The following LIG3 variants were observed in gnomAD, a reference collection of about 807,000 sequenced individuals.
The protein encoded by LIG3 is DNA ligase 3.
In LIG3, 58 loss-of-function variants were observed where a neutral mutation model predicts 110.9. The ratio of observed to expected loss-of-function variants is 0.52; its 90% CI spans 0.42 to 0.65. The LOEUF (loss-of-function observed/expected upper bound fraction) is 0.65, where lower values mean the gene tolerates loss of function less well. Ranked by LOEUF, LIG3 falls within the 30% of genes least tolerant of loss-of-function variation. The pLI, the probability that LIG3 is intolerant of heterozygous loss-of-function variation, is 0.00. For missense variants in LIG3, 1,094 were observed against 1,273.8 expected, an observed-to-expected ratio of 0.86 and a Z score of 2.15; for synonymous variants, 422 against 472.8, an observed-to-expected ratio of 0.89 and a Z score of 1.39.
intron 10 of LIG3, 72 bp downstream of exon 10, chr17:34,996,267 G>C (rs528259172): frequency 1.3e-6 from 2 of 1,505,554 alleles, no homozygotes; most frequent in Non-Finnish European, 1.8e-6. Flanking sequence ...TGCACGCTGC[G>C]GTCTGAAAAG....
In LIG3 at chr17:35,004,478, G is replaced by A. The variant is rs151264739; in HGVS notation, c.3002G>A (p.Arg1001Gln). The A allele has an allele frequency of 1.4e-4, 231 of 1,613,912 alleles. No homozygotes were observed. The highest frequency in any genetic ancestry group is 1.8e-4 in the Non-Finnish European group (216 of 1,179,936). Residue 1001 changes from arginine (R) to glutamine (Q), a missense_variant, in exon 20 of 20, where the codon CGG becomes CAG. Coordinates refer to ENST00000378526, the MANE Select transcript of LIG3 (RefSeq NM_013975.4). ...CCAGAGTGGATTTGGGCATGTATCCGGAAACGGAGACTGGTAGCTCCCTGC... is the reference window on the plus strand; with the variant it reads ...CCAGAGTGGATTTGGGCATGTATCCAGAAACGGAGACTGGTAGCTCCCTGC... ...VSPEWIWACI[R>Q]KRRLVAPC
In LIG3 at chr17:35,001,997, A is replaced by G. The variant is rs774255062; in HGVS notation, c.2567A>G (p.Glu856Gly). The stretch of plus-strand genomic sequence containing the variant: ...TCCACTACAGGGGGTAGCAGTGAAG[A>G]GAATAAGGGTCCCTCAGGGTCTGCT... ...GSSTTGGSSE[E>G]NKGPSGSAVS... is the part of the protein sequence containing the mutation. The change falls in exon 18 of 20, where the codon GAG (glutamate) becomes GGG (glycine). Residue 856 changes from glutamate (E) to glycine (G), a missense_variant. By Grantham distance (98) the Glu-to-Gly change is moderately conservative (BLOSUM62 -2). Transcript: ENST00000378526. The G allele has an allele frequency of 4.0e-5, 64 of 1,612,882 alleles. No individual in the cohort carries two copies. Among genetic ancestry groups the G allele is most frequent in the Non-Finnish European group, 4.7e-5 (56 of 1,179,566 alleles).
intron 8 of LIG3, among the ~76,000 whole-genome samples, chr17:34,993,532 C>G (rs924537019): frequency 3.3e-5 from 5 of 152,154 alleles, no homozygotes; most frequent in South Asian, 2.1e-4. Context: ...TATAGTTTGT[C>G]ATTTAAAGAC....
chr17:35,005,187 G>A lies in LIG3; in HGVS notation c.*681G>A. ...GTTATTTGGGCCACTCCTCTGGAGG[G>A]ATAGAGGGCTCCAGGAAGATCTGCA... On this transcript the variant is annotated 3_prime_UTR_variant, in exon 20 of 20. Transcript: ENST00000378526. The A allele has an allele frequency of 2.4e-6, 1 of 415,998 alleles. No homozygotes were observed. Among genetic ancestry groups the A allele is most frequent in the Non-Finnish European group, 4.8e-6 (1 of 207,840 alleles). The allele number at this position is 415,998 out of a possible 1,614,324, so 25.8% of individuals were successfully genotyped here.
intron 9 of LIG3, among the ~76,000 whole-genome samples, chr17:34,995,006 G>T (rs2142265080): frequency 6.6e-6 from 1 of 152,262 alleles, no homozygotes; most frequent in East Asian, 1.9e-4. Flanking sequence ...TTATTCCTTA[G>T]CCCTTCTCCA....
chr17:34,988,175 A>C (rs2090678842), intron 3 of LIG3, among the ~76,000 whole-genome samples: 1 of 136,196 alleles, frequency 7.3e-6, no homozygotes, highest in Admixed American at 8.4e-5. Context: ...CCTGGGCGAC[A>C]GCGAGACTCT....
intron 11 of LIG3, chr17:34,997,512 A>G (rs919891320): frequency 3.8e-6 from 2 of 520,368 alleles, no homozygotes; most frequent in African/African-American, 3.8e-5. Context: ...AGAACTAGGA[A>G]CTACAACTAT....
At position 34,990,979 on chromosome 17, in the gene LIG3, TGTGTAC is replaced by T; in HGVS notation, c.907_912del (p.Val303_Tyr304del). The T allele has an allele frequency of 6.2e-7, 1 of 1,614,086 alleles. No homozygotes were observed. The highest frequency in any genetic ancestry group is 8.5e-7 in the Non-Finnish European group (1 of 1,179,916). On this transcript the variant is annotated inframe_deletion, in exon 5 of 20. Transcript: ENST00000378526. The stretch of plus-strand genomic sequence containing the variant: ...TGTCTCCAGATGGTTTCCACGGTGA[TGTGTAC>T]CTAACAGTGAAGCTGCTGCTGCCAG...
rs377292824 is a variant in LIG3, at chr17:34,991,126, G to T, written c.1041+12G>T. The T allele has an allele frequency of 5.0e-6, 8 of 1,613,212 alleles. No individual in the cohort carries two copies. The African/African-American group carries it at 1.1e-4, about 22-fold the overall frequency. On this transcript the variant is annotated intron_variant, in intron 5 of 19. Transcript: ENST00000378526. ...GGGACCTAGAGCAGGTCAGAGGAAC[G>T]GGAGGGAGGGTAGGCTACATTCCAG...
rs2090884497 is a variant in LIG3, at chr17:35,005,067, C to G, written c.*561C>G. On this transcript the variant is annotated 3_prime_UTR_variant, in exon 20 of 20. Coordinates refer to ENST00000378526, the MANE Select transcript of LIG3 (RefSeq NM_013975.4). ...ACAAAATGAATTTTTTTACTTTCTT[C>G]TCTGTGTTCTCCTATTACATGGTGA... 3 of 307,510 alleles carry G rather than the reference C, an allele frequency of 9.8e-6. No individual in the cohort carries two copies. The highest frequency in any genetic ancestry group is 8.3e-5 in the Admixed American group (2 of 24,100). 19.0% of individuals were successfully genotyped at this position (307,510 alleles called of 1,614,324 possible). A position where few individuals can be genotyped will look rare whatever the true frequency, so the allele number is the denominator to read the frequency against.
At position 35,004,383 on chromosome 17, in the gene LIG3, A is replaced by G. The variant is rs1186294529; in HGVS notation, c.2907A>G (p.Glu969=). Reference sequence around the variant, plus strand: ...CATTCGACGGGGACCTGGTACAGGAATTTGATATGACTTCAGCCACGCACG... The same window carrying G: ...CATTCGACGGGGACCTGGTACAGGAGTTTGATATGACTTCAGCCACGCACG... ...FVAFDGDLVQ[E]FDMTSATHVL... Residue 969 remains glutamate (E), a synonymous_variant, in exon 20 of 20, where the codon GAA becomes GAG. Coordinates refer to ENST00000378526, the MANE Select transcript of LIG3 (RefSeq NM_013975.4). 6.2e-7 allele frequency: 1 copy of G among 1,614,206 alleles called. No individual in the cohort carries two copies. The highest frequency in any genetic ancestry group is 8.5e-7 in the Non-Finnish European group (1 of 1,180,038).
intron 4 of LIG3, among the ~76,000 whole-genome samples, chr17:34,990,300 C>CA (rs1344546788): frequency 3.3e-5 from 5 of 152,204 alleles, no homozygotes; most frequent in African/African-American, 1.2e-4. Context: ...TTTATTGAGA[C>CA]AAAAAATGTG....
At chr17:35,001,532 G>T (rs928767371) in intron 17 of LIG3, 129 bp downstream of exon 17, 7 of 967,262 alleles carry the variant, frequency 7.2e-6, no homozygotes, top group African/African-American at 1.6e-5. Flanking sequence ...GAGCAAGGAG[G>T]GCAATTAGAG....
intron 1 of LIG3, chr17:34,981,061 C>T (rs902279624): frequency 3.3e-5 from 5 of 152,278 alleles, no homozygotes; most frequent in African/African-American, 1.2e-4. Flanking sequence ...GTCCCCGCCA[C>T]TCTCCGACAG....
At chr17:34,988,961 A>G (rs980967588) in intron 3 of LIG3, among the ~76,000 whole-genome samples, 2 of 151,982 alleles carry the variant, frequency 1.3e-5, no homozygotes, top group African/African-American at 4.8e-5. Flanking sequence ...CCCCTTTCTC[A>G]TGCCAGCTTT....
intron 1 of LIG3, 24 bp downstream of exon 1, chr17:34,980,646 C>T: frequency 8.3e-7 from 1 of 1,203,974 alleles, no homozygotes; most frequent in South Asian, 1.4e-5. Flanking sequence ...CGGCGCGGCA[C>T]GGCGCGGCGG....
rs1482963595 is a variant in LIG3, at chr17:34,999,823, C to A, written c.2298C>A (p.Ile766=). The A allele has an allele frequency of 2.5e-6, 4 of 1,614,078 alleles. No individual in the cohort carries two copies. The highest frequency in any genetic ancestry group is 3.4e-6 in the Non-Finnish European group (4 of 1,179,934). The change falls in exon 16 of 20, where the codon ATC becomes ATA. Residue 766 remains isoleucine, a synonymous_variant. Coordinates refer to ENST00000378526, the MANE Select transcript of LIG3 (RefSeq NM_013975.4). The part of the protein sequence containing the change: ...KIPSWLKVNK[I]YYPDFIVPDP... ...CCAGCTGGTTGAAGGTCAACAAGATCTACTATCCTGACTTCATCGTCCCAG... is the reference window on the plus strand; with the variant it reads ...CCAGCTGGTTGAAGGTCAACAAGATATACTATCCTGACTTCATCGTCCCAG...
Position 34,992,324 on chromosome 17 carries a change from G to A in LIG3, c.1287-200G>A, listed in dbSNP as rs151028680. Among the ~76,000 whole-genome samples, 35 of 152,318 alleles carry A rather than the reference G, an allele frequency of 2.3e-4. 1 individual carries two copies. Among genetic ancestry groups the A allele is most frequent in the African/African-American group, 8.2e-4 (34 of 41,570 alleles). ...ACTCCAGCCCCCTCCTCGCTAAGGC[G>A]GCATCCACATAGGCACAGTATCTCA... On this transcript the variant is annotated intron_variant, in intron 7 of 19. Transcript: ENST00000378526.
intron 12 of LIG3, 163 bp downstream of exon 12, chr17:34,997,988 C>T (rs751090627): frequency 7.4e-6 from 5 of 672,312 alleles, no homozygotes; most frequent in East Asian, 2.7e-5. Flanking sequence ...AGTCTTCACC[C>T]AGAAGGGTAG....
Sources: gnomAD v4.1 joint callset for allele counts (sites outside exome capture counted in the v4.1 genomes callset) on GRCh38, gnomAD v4.1.1 for gene constraint, MANE v1.5 for transcripts, NCBI Gene and HGNC (gene_info 2026-07-23, HGNC 2026-07-21) for gene names.